ABTB3: variants seen among roughly 807,000 people sequenced by gnomAD.
ABTB3 encodes ankyrin repeat- and BTB/POZ domain-containing protein 3.
chr12:107,386,383 T>TCTGTAGCTGTAGCTGTAGCTGTAG, the ABTB3 span, among the ~76,000 whole-genome samples: 1 of 152,236 alleles, frequency 6.6e-6, no homozygotes, highest in South Asian at 2.1e-4. Context: ...TGCTGTCTTG[T>TCTGTAGCTGTAGCTGTAGCTGTAG]CTGTAGCTGT....
At chr12:107,542,311 C>CAAAAAAAAAAAAAAAAA in the ABTB3 span, among the ~76,000 whole-genome samples, 14 of 119,134 alleles carry the variant, frequency 1.2e-4, no homozygotes, top group East Asian at 5.1e-4. Flanking sequence ...AACTCTGTCT[C>CAAAAAAAAAAAAAAAAA]AAAAAAAAAA....
the ABTB3 span, among the ~76,000 whole-genome samples, chr12:107,620,354 C>T: frequency 6.6e-6 from 1 of 152,212 alleles, no homozygotes; most frequent in East Asian, 1.9e-4. Context: ...TCTTGCTGAG[C>T]ATCCACATGA....
the ABTB3 span, among the ~76,000 whole-genome samples, chr12:107,517,619 T>G: frequency 6.6e-6 from 1 of 152,350 alleles, no homozygotes; most frequent in East Asian, 1.9e-4. Flanking sequence ...TATTTTATTC[T>G]CTTTGAAACA....
the ABTB3 span, among the ~76,000 whole-genome samples, chr12:107,497,635 G>T: frequency 6.6e-6 from 1 of 152,108 alleles, no homozygotes; most frequent in Non-Finnish European, 1.5e-5. Flanking sequence ...CACTAAGAAG[G>T]TTTTCAGTAA....
the ABTB3 span, among the ~76,000 whole-genome samples, chr12:107,466,737 T>C: frequency 6.6e-6 from 1 of 152,092 alleles, no homozygotes; most frequent in Non-Finnish European, 1.5e-5. Context: ...AAAGCTTAGC[T>C]GAAGGTGTTT....
At chr12:107,437,488 C>T in the ABTB3 span, among the ~76,000 whole-genome samples, 7 of 151,952 alleles carry the variant, frequency 4.6e-5, no homozygotes, top group Non-Finnish European at 1.0e-4. Context: ...CCTCCGCCTC[C>T]TGGGTTCAAG....
the ABTB3 span, among the ~76,000 whole-genome samples, chr12:107,596,303 G>A: frequency 6.6e-6 from 1 of 152,210 alleles, no homozygotes; most frequent in Non-Finnish European, 1.5e-5. Context: ...CTGAGCAAGT[G>A]TATGCCACAC....
At chr12:107,347,199 C>A in the ABTB3 span, among the ~76,000 whole-genome samples, 63 of 152,246 alleles carry the variant, frequency 4.1e-4, no homozygotes, top group African/African-American at 1.5e-3. Context: ...TAATTTAGTG[C>A]AAACCAATTA....
chr12:107,486,897 A>G, the ABTB3 span, among the ~76,000 whole-genome samples: 2 of 152,158 alleles, frequency 1.3e-5, no homozygotes, highest in African/African-American at 4.8e-5. Flanking sequence ...CAAGGCAGAG[A>G]GAGATTACAT....
the ABTB3 span, among the ~76,000 whole-genome samples, chr12:107,468,404 G>A: frequency 6.6e-6 from 1 of 152,178 alleles, no homozygotes. Flanking sequence ...CCAGCTTCTA[G>A]CAGGAGACCA....
chr12:107,442,906 T>C, the ABTB3 span, among the ~76,000 whole-genome samples: 1 of 152,184 alleles, frequency 6.6e-6, no homozygotes, highest in Admixed American at 6.5e-5. Context: ...AATTCTGAAG[T>C]CCAGGATCAA....
At chr12:107,572,810 G>A in the ABTB3 span, among the ~76,000 whole-genome samples, 1 of 152,142 alleles carries the variant, frequency 6.6e-6, no homozygotes, top group Non-Finnish European at 1.5e-5. Context: ...TTGCAGGCAG[G>A]GTCAAGGTTG....
At chr12:107,361,051 A>C in the ABTB3 span, among the ~76,000 whole-genome samples, 2 of 143,632 alleles carry the variant, frequency 1.4e-5, no homozygotes, top group African/African-American at 5.2e-5. Flanking sequence ...CTTTAGGAGT[A>C]GCCCCTGGGA....
chr12:107,579,244 C>T, the ABTB3 span, among the ~76,000 whole-genome samples: 2 of 152,198 alleles, frequency 1.3e-5, no homozygotes, highest in Non-Finnish European at 2.9e-5. Context: ...TGCATGCCAG[C>T]AAGAGTCCAT....
the ABTB3 span, among the ~76,000 whole-genome samples, chr12:107,643,617 T>G: frequency 7.4e-6 from 1 of 135,744 alleles, no homozygotes; most frequent in African/African-American, 2.9e-5. Context: ...CTTTCCTGAA[T>G]GGCAGCTGTT....
the ABTB3 span, among the ~76,000 whole-genome samples, chr12:107,392,082 G>A: frequency 6.6e-6 from 1 of 152,314 alleles, no homozygotes; most frequent in South Asian, 2.1e-4. Context: ...AACGCTGTGG[G>A]CTGTTTGTGA....
the ABTB3 span, among the ~76,000 whole-genome samples, chr12:107,479,727 A>C: frequency 9.5e-3 from 1,445 of 151,868 alleles, 32 homozygotes; most frequent in African/African-American, 0.033. Context: ...ATGTATTGAG[A>C]CCCTTCTCTG....
At chr12:107,411,389 C>T in the ABTB3 span, among the ~76,000 whole-genome samples, 1 of 152,210 alleles carries the variant, frequency 6.6e-6, no homozygotes, top group Non-Finnish European at 1.5e-5. Context: ...TTGATTGTCT[C>T]CTATGTGTAG....
the ABTB3 span, among the ~76,000 whole-genome samples, chr12:107,550,101 T>G: frequency 2.6e-5 from 4 of 152,178 alleles, no homozygotes; most frequent in African/African-American, 9.7e-5. Flanking sequence ...CCCATGAATC[T>G]AAGTGTTTAG....
Sources: gnomAD v4.1 joint callset for allele counts (sites outside exome capture counted in the v4.1 genomes callset) on GRCh38, gnomAD v4.1.1 for gene constraint, MANE v1.5 for transcripts, NCBI Gene and HGNC (gene_info 2026-07-23, HGNC 2026-07-21) for gene names.